Variants in LZTR1 observed in about 807,000 individuals in gnomAD.
LZTR1 encodes leucine zipper like post translational regulator 1.
Under a neutral mutation model 105.7 loss-of-function variants are expected in LZTR1, and 260 were observed. The ratio of observed to expected loss-of-function variants is 2.46; its 90% confidence interval spans 2.22 to 2.72. The LOEUF (loss-of-function observed/expected upper bound fraction) is 2.72, where lower values mean the gene tolerates loss of function less well. Ranked by LOEUF, LZTR1 falls within the 30% of genes most tolerant of loss-of-function variation. The pLI is 0.00. For missense variants in LZTR1, 1,214 were observed against 1,166.9 expected (o/e 1.04, Z -0.59); for synonymous variants, 490 against 476.4 (o/e 1.03, Z -0.37).
chr22:20,992,101 T>TG, intron 9 of LZTR1, 113 bp from the exon 10 acceptor site: 1 of 1,098,270 alleles, frequency 9.1e-7, no homozygotes, highest in East Asian at 2.4e-5. Flanking sequence ...CCCACGGCCA[T>TG]GCAGCTCTTC....
Position 20,994,615 on chromosome 22 carries a change from A to G in LZTR1, c.1673A>G (p.Gln558Arg). ...MDVYKLALSF[Q>R]LCRLEQLCRQ... ...GTGTACAAACTGGCACTGAGCTTCC[A>G]GTTGTGCCGCCTGGAGCAGCTGTGC... Residue 558 changes from glutamine (Q) to arginine (R), a missense_variant, in exon 15 of 21, where the codon CAG becomes CGG. Gln to Arg is a conservative substitution (Grantham distance 43). Coordinates refer to ENST00000646124, the MANE Select transcript of LZTR1 (RefSeq NM_006767.4). 6.2e-7 allele frequency: 1 copy of G among 1,612,766 alleles called. No homozygotes were observed. The highest frequency in any genetic ancestry group is 8.5e-7 in the Non-Finnish European group (1 of 1,179,952).
chr22:20,993,393 G>A, intron 11 of LZTR1: 1 of 564,866 alleles, frequency 1.8e-6, no homozygotes, highest in South Asian at 2.1e-5. Context: ...GCTCTGCTGA[G>A]GCCTGGGGCC....
At chr22:20,992,737 G>A in intron 10 of LZTR1, 57 bp from the exon 11 acceptor site, 1 of 1,164,426 alleles carries the variant, frequency 8.6e-7, no homozygotes, top group Non-Finnish European at 1.3e-6. Context: ...GGCTGCACCA[G>A]CCGCACTGTG....
chr22:20,989,429 C>T (rs372588588), intron 6 of LZTR1, among the ~76,000 whole-genome samples, 196 bp from the exon 7 acceptor site: 20 of 152,292 alleles, frequency 1.3e-4, no homozygotes, highest in Admixed American at 2.6e-4. Flanking sequence ...CTGTCTGGGC[C>T]GGGCAGGGGG....
chr22:20,986,819 C>T (rs1924404309), intron 3 of LZTR1: 1 of 152,178 alleles, frequency 6.6e-6, no homozygotes, highest in Non-Finnish European at 1.5e-5. Flanking sequence ...CTGCTGAGAG[C>T]AGGAGTGTGG....
At chr22:20,995,069 G>T (rs756519184) in intron 16 of LZTR1, 43 bp downstream of exon 16, 1 of 1,572,204 alleles carries the variant, frequency 6.4e-7, no homozygotes, top group Admixed American at 1.8e-5. Flanking sequence ...GGGAGGGATG[G>T]TGTTCATCTG....
chr22:20,985,897 G>A lies in LZTR1; in HGVS notation c.320G>A (p.Arg107Lys). Reference protein sequence around the residue: ...RFDVKDCSWCRAFTTGTPPAP... With the variant: ...RFDVKDCSWCKAFTTGTPPAP... ...GATGTGAAAGACTGCTCCTGGTGCA[G>A]GTGGGTGGCCCCGTGCTCCAGGGCC... Residue 107 changes from arginine (R) to lysine (K), a missense_variant and splice_region_variant, in exon 3 of 21, where the codon AGG (arginine) becomes AAG (lysine). Arg to Lys is a conservative substitution (Grantham distance 26). Transcript: ENST00000646124. 6.2e-7 allele frequency: 1 copy of A among 1,614,112 alleles called. No homozygotes were observed. Among genetic ancestry groups the A allele is most frequent in the Non-Finnish European group, 8.5e-7 (1 of 1,180,000 alleles).
At chr22:20,986,127 C>T (rs569487198) in intron 3 of LZTR1, 34 of 582,542 alleles carry the variant, frequency 5.8e-5, no homozygotes, top group African/African-American at 4.5e-4. Context: ...CACAGGGCGG[C>T]ACCCTTCTGG....
Position 20,987,532 on chromosome 22 carries a change from C to CT in LZTR1, c.349_350insT (p.Pro117LeufsTer29). ...CTTTACCACTGGGACCCCACCGGCC[C>CT]CCCGTTACCACCACTCGGCCGTCGT... On this transcript the variant is annotated frameshift_variant, in exon 4 of 21. Transcript: ENST00000646124. LOFTEE classifies it high-confidence loss of function. 6.2e-7 allele frequency: 1 copy of CT among 1,614,174 alleles called. No homozygotes were observed. The highest frequency in any genetic ancestry group is 8.5e-7 in the Non-Finnish European group (1 of 1,180,004).
At chr22:20,986,437 A>G (rs1198345364) in intron 3 of LZTR1, 1 of 140,818 alleles carries the variant, frequency 7.1e-6, no homozygotes, top group African/African-American at 2.7e-5. Context: ...TAGATAGATG[A>G]TAGAAAGACA....
At chr22:20,990,773 G>C (rs1478154382) in intron 8 of LZTR1, 1 of 474,634 alleles carries the variant, frequency 2.1e-6, no homozygotes. Context: ...GAACGTGAAG[G>C]ACGTCCCCTT....
At chr22:20,983,747 G>T (rs13054302) in intron 2 of LZTR1, among the ~76,000 whole-genome samples, 6,113 of 152,276 alleles carry the variant, frequency 0.04, 215 homozygotes, top group Non-Finnish European at 0.062. Flanking sequence ...AGGATGGTGG[G>T]GTAGTCTGGA....
intron 9 of LZTR1, 99 bp from the exon 10 acceptor site, chr22:20,992,115 C>T: frequency 8.0e-7 from 1 of 1,247,534 alleles, no homozygotes; most frequent in Non-Finnish European, 1.1e-6. Context: ...GCTCTTCCTT[C>T]TTTCAGAACC....
intron 12 of LZTR1, 73 bp downstream of exon 12, chr22:20,993,827 A>G: frequency 6.4e-7 from 1 of 1,570,642 alleles, no homozygotes; most frequent in Non-Finnish European, 8.7e-7. Context: ...TCAGAAAAAC[A>G]GCTGCTGGCC....
chr22:20,994,127 A>T lies in LZTR1; in HGVS notation c.1473A>T (p.Pro491=), dbSNP rs1924715765. Residue 491 remains proline, a synonymous_variant, in exon 14 of 21, where the codon CCA becomes CCT. Transcript: ENST00000646124. ...LAQKLEQEAA[P]VPREAPGVAA... is the part of the protein sequence containing the mutation. ...AGAAGCTGGAGCAGGAGGCCGCCCC[A>T]GTTCCCAGGGAGGCCCCCGGCGTGG... The T allele has an allele frequency of 6.3e-7, 1 of 1,586,678 alleles. No homozygotes were observed. Among genetic ancestry groups the T allele is most frequent in the South Asian group, 1.1e-5 (1 of 88,726 alleles).
rs1294434623 is a variant in LZTR1, at chr22:20,993,627, C to T, written c.1261-35C>T. ...AGCCACACTGGGGCCACCCTGCTGT[C>T]TGCAACATCTAGTCTCACTGGGCCC... is the stretch of plus-strand genomic sequence containing the variant. On this transcript the variant is annotated intron_variant, in intron 11 of 20. Coordinates refer to ENST00000646124, the MANE Select transcript of LZTR1 (RefSeq NM_006767.4). The T allele has an allele frequency of 2.5e-6, 4 of 1,581,740 alleles. No homozygotes were observed. The East Asian group carries it at 9.1e-5, about 36-fold the overall frequency.
intron 3 of LZTR1, chr22:20,986,153 C>T (rs2147960044): frequency 2.0e-6 from 1 of 497,230 alleles, no homozygotes; most frequent in East Asian, 3.2e-5. Flanking sequence ...CCACCTCTAC[C>T]TCGAGGCTGA....
At chr22:20,988,763 C>A (rs951549955) in intron 5 of LZTR1, 26 bp from the exon 6 acceptor site, 2 of 1,591,214 alleles carry the variant, frequency 1.3e-6, no homozygotes, top group Non-Finnish European at 8.6e-7. Context: ...CGGCCTCACT[C>A]CCTCCCCTCT....
chr22:20,997,077 TGA>T (rs750738305), intron 20 of LZTR1, 111 bp downstream of exon 20: 4 of 1,244,172 alleles, frequency 3.2e-6, no homozygotes, highest in Middle Eastern at 1.9e-4. Flanking sequence ...GCCCTGGGGG[TGA>T]GAGAAGCAGA....
Sources: gnomAD v4.1 joint callset for allele counts (sites outside exome capture counted in the v4.1 genomes callset) on GRCh38, gnomAD v4.1.1 for gene constraint, MANE v1.5 for transcripts, NCBI Gene and HGNC (gene_info 2026-07-23, HGNC 2026-07-21) for gene names.